The following BMPR1B variants were observed in gnomAD, a reference collection of about 807,000 sequenced individuals.
BMPR1B encodes bone morphogenetic protein receptor type-1B.
A neutral mutation model predicts 59.1 loss-of-function variants in BMPR1B; 12 were observed. That is an observed-to-expected ratio of 0.20 (90% confidence interval 0.13 to 0.33). The LOEUF (loss-of-function observed/expected upper bound fraction) is 0.33, where lower values mean the gene tolerates loss of function less well. Ranked by LOEUF, BMPR1B falls within the 10% of genes least tolerant of loss-of-function variation. The pLI is 1.00. For missense variants in BMPR1B, 550 were observed against 610.9 expected, an observed-to-expected ratio of 0.90 and a Z score of 1.05; for synonymous variants, 237 against 207.3, an observed-to-expected ratio of 1.14 and a Z score of -1.23.
chr4:94,870,330 T>G (rs1053758275), intron 1 of BMPR1B, among the ~76,000 whole-genome samples: 1 of 145,474 alleles, frequency 6.9e-6, no homozygotes, highest in Non-Finnish European at 1.5e-5. Context: ...TGGAGTGTCT[T>G]GCTGGTTGGA....
At chr4:94,833,465 A>G (rs1221413706) in intron 1 of BMPR1B, among the ~76,000 whole-genome samples, 1 of 152,090 alleles carries the variant, frequency 6.6e-6, no homozygotes, top group African/African-American at 2.4e-5. Flanking sequence ...CTGATTCATT[A>G]AGCTCCTTTT....
At chr4:95,141,579 C>T (rs1160540547) in intron 10 of BMPR1B, among the ~76,000 whole-genome samples, 1 of 152,162 alleles carries the variant, frequency 6.6e-6, no homozygotes, top group East Asian at 1.9e-4. Flanking sequence ...ATTTCCTGCT[C>T]AGCAGAAATT....
At chr4:94,795,926 G>A (rs2110612262) in intron 1 of BMPR1B, among the ~76,000 whole-genome samples, 1 of 151,810 alleles carries the variant, frequency 6.6e-6, no homozygotes, top group South Asian at 2.1e-4. Flanking sequence ...CATAGAGACG[G>A]TCAGCAAATT....
At chr4:94,759,234 G>C (rs1028556993) in intron 1 of BMPR1B, among the ~76,000 whole-genome samples, 11 of 152,212 alleles carry the variant, frequency 7.2e-5, no homozygotes, top group Non-Finnish European at 1.2e-4. Context: ...GTGACTACGA[G>C]CGGCCACAAA....
At chr4:95,019,114 A>G (rs1487094832) in intron 3 of BMPR1B, among the ~76,000 whole-genome samples, 1 of 152,134 alleles carries the variant, frequency 6.6e-6, no homozygotes, top group Non-Finnish European at 1.5e-5. Context: ...CACTTGTTTT[A>G]CCACTGTAGT....
At chr4:95,115,859 TTC>T in intron 6 of BMPR1B, 72 bp downstream of exon 6, 1 of 1,365,644 alleles carries the variant, frequency 7.3e-7, no homozygotes, top group Non-Finnish European at 1.0e-6. Flanking sequence ...ACTAGAATCG[TTC>T]TCTCTCAATC....
chr4:94,946,073 A>G (rs1197833862), intron 2 of BMPR1B, among the ~76,000 whole-genome samples: 1 of 152,194 alleles, frequency 6.6e-6, no homozygotes, highest in Admixed American at 6.5e-5. Context: ...TTCTCTAATT[A>G]TAAATCTAAA....
At chr4:94,903,170 TACTTGCCTTCTAGA>T (rs896646207) in intron 2 of BMPR1B, among the ~76,000 whole-genome samples, 4 of 152,088 alleles carry the variant, frequency 2.6e-5, no homozygotes, top group Non-Finnish European at 4.4e-5. Context: ...ATCTGTTCCT[TACTTGCCTTCTAGA>T]ACTTAGGGCA....
chr4:95,065,676 G>A (rs912473526), intron 3 of BMPR1B, among the ~76,000 whole-genome samples: 1 of 152,044 alleles, frequency 6.6e-6, no homozygotes, highest in Non-Finnish European at 1.5e-5. Flanking sequence ...TAACAGAAGA[G>A]TCAGCCAGAA....
intron 1 of BMPR1B, among the ~76,000 whole-genome samples, chr4:94,820,521 A>G (rs1237590828): frequency 6.6e-6 from 1 of 152,178 alleles, no homozygotes; most frequent in Admixed American, 6.5e-5. Flanking sequence ...AGTATTTTAA[A>G]CTACATAATA....
At chr4:94,794,361 C>G (rs71601231) in intron 1 of BMPR1B, among the ~76,000 whole-genome samples, 44,241 of 148,918 alleles carry the variant, frequency 0.3, 6,711 homozygotes, top group African/African-American at 0.4. Flanking sequence ...GGGCTCTGTT[C>G]TGTTCCATTG....
At chr4:94,880,828 G>A (rs940086899) in intron 2 of BMPR1B, among the ~76,000 whole-genome samples, 4 of 151,748 alleles carry the variant, frequency 2.6e-5, no homozygotes, top group Non-Finnish European at 4.4e-5. Flanking sequence ...TAGAGACGGG[G>A]TTTCACCATT....
At chr4:95,130,245 TGTGA>T (rs1475394360) in intron 9 of BMPR1B, among the ~76,000 whole-genome samples, 191 bp downstream of exon 9, 2 of 152,212 alleles carry the variant, frequency 1.3e-5, no homozygotes, top group Non-Finnish European at 2.9e-5. Context: ...AAGGCACTTC[TGTGA>T]GTAAGTGGTA....
At chr4:94,997,334 G>T (rs944839154) in intron 3 of BMPR1B, among the ~76,000 whole-genome samples, 1 of 152,140 alleles carries the variant, frequency 6.6e-6, no homozygotes, top group South Asian at 2.1e-4. Context: ...TAATACTCTG[G>T]CACAGATTTT....
chr4:94,989,112 C>T (rs539348853), intron 2 of BMPR1B, among the ~76,000 whole-genome samples: 42 of 152,120 alleles, frequency 2.8e-4, no homozygotes, highest in South Asian at 1.5e-3. Context: ...CATTCACGGC[C>T]GGGTGCGATG....
chr4:95,059,639 C>T (rs914676917), intron 3 of BMPR1B, among the ~76,000 whole-genome samples: 5 of 144,698 alleles, frequency 3.5e-5, no homozygotes, highest in Non-Finnish European at 7.7e-5. Context: ...GTAAAAAAAA[C>T]AATTTTCTAT....
chr4:94,774,126 CA>C (rs1722283604), intron 1 of BMPR1B, among the ~76,000 whole-genome samples: 1 of 151,888 alleles, frequency 6.6e-6, no homozygotes, highest in African/African-American at 2.4e-5. Flanking sequence ...TAACCCATAC[CA>C]AATTTTTAAT....
chr4:94,924,495 A>G (rs1256177285), intron 2 of BMPR1B, among the ~76,000 whole-genome samples: 1 of 152,148 alleles, frequency 6.6e-6, no homozygotes, highest in Non-Finnish European at 1.5e-5. Flanking sequence ...TCTCAAAACA[A>G]GGACTATGAT....
rs1491108915 is a variant in BMPR1B at position 95,155,475 on chromosome 4, C to CCTTTTTTTTT, written c.*802_*803insCTTTTTTTTT. 1 of 64,298 alleles carries CCTTTTTTTTT rather than the reference C, an allele frequency of 1.6e-5. No individual in the cohort carries two copies. Among genetic ancestry groups the CCTTTTTTTTT allele is most frequent in the African/African-American group, 6.7e-5 (1 of 14,816 alleles). The allele number at this position is 64,298 out of a possible 1,614,324, so 4.0% of individuals were successfully genotyped here. A position where few individuals can be genotyped will look rare whatever the true frequency, so the allele number is the denominator to read the frequency against. On this transcript the variant is annotated 3_prime_UTR_variant, in exon 13 of 13. Transcript: ENST00000515059. ...CCCTTTTCATTAAACACAAAGAAAG[C>CCTTTTTTTTT]TTTTTTTTTTTTTTTTTTTTTTTTT...
Sources: allele counts gnomAD v4.1 joint callset (sites outside exome capture counted in the v4.1 genomes callset), GRCh38; gene constraint gnomAD v4.1.1; transcripts MANE v1.5; gene names NCBI Gene and HGNC (gene_info 2026-07-23, HGNC 2026-07-21).